The following DYTN variants were observed in gnomAD, a reference collection of about 807,000 sequenced individuals.
The protein encoded by DYTN is dystrotelin.
A neutral mutation model predicts 69.6 loss-of-function variants in DYTN; 75 were observed. The ratio of observed to expected loss-of-function variants is 1.08; its 90% CI spans 0.89 to 1.31. DYTN has a LOEUF of 1.31. DYTN is among the 50% of genes most tolerant of loss of function. The probability of loss-of-function intolerance (pLI) is 0.00; values close to 1 mark genes in which losing one functional copy is unlikely to be tolerated. For synonymous variants in DYTN, 252 were observed against 249.1 expected (o/e 1.01, Z -0.11); for missense variants, 726 against 688.4 (o/e 1.05, Z -0.61).
At chr2:206,675,847 C>T (rs972311133) in intron 9 of DYTN, among the ~76,000 whole-genome samples, 1 of 152,182 alleles carries the variant, frequency 6.6e-6, no homozygotes, top group Middle Eastern at 3.4e-3. Flanking sequence ...CATCACTGGT[C>T]GTTAGAGAAA....
At chr2:206,660,690 CA>C (rs1699502616) in intron 11 of DYTN, among the ~76,000 whole-genome samples, 1 of 152,192 alleles carries the variant, frequency 6.6e-6, no homozygotes, top group African/African-American at 2.4e-5. Flanking sequence ...TCAGCACAAG[CA>C]GTTCCCATCC....
intron 9 of DYTN, among the ~76,000 whole-genome samples, chr2:206,678,532 A>G (rs1369758176): frequency 3.3e-5 from 5 of 152,244 alleles, no homozygotes; most frequent in Non-Finnish European, 7.3e-5. Flanking sequence ...TATAGCAAAA[A>G]TTAGAAATAA....
chr2:206,715,350 A>T (rs1194195999), intron 1 of DYTN, among the ~76,000 whole-genome samples: 2 of 151,654 alleles, frequency 1.3e-5, no homozygotes, highest in Non-Finnish European at 2.9e-5. Context: ...GGCGAGGGGG[A>T]GGGGAGATGA....
chr2:206,694,940 A>C, intron 7 of DYTN, 63 bp from the exon 8 acceptor site: 1 of 1,176,306 alleles, frequency 8.5e-7, no homozygotes, highest in Non-Finnish European at 1.2e-6. Context: ...AAAAAAAAAG[A>C]ATATCCAGGT....
At chr2:206,706,564 C>T (rs942172609) in intron 3 of DYTN, among the ~76,000 whole-genome samples, 1 of 151,242 alleles carries the variant, frequency 6.6e-6, no homozygotes, top group Non-Finnish European at 1.5e-5. Context: ...CAGTGCTTGC[C>T]TCTGGGAGGC....
chr2:206,652,187 G>A (rs1462692118), intron 11 of DYTN, among the ~76,000 whole-genome samples: 1 of 152,192 alleles, frequency 6.6e-6, no homozygotes, highest in Non-Finnish European at 1.5e-5. Flanking sequence ...CTATTGAGCA[G>A]TGGCTCCAAA....
chr2:206,665,438 A>T (rs116439287), intron 10 of DYTN, among the ~76,000 whole-genome samples: 1,762 of 151,070 alleles, frequency 0.012, 36 homozygotes, highest in African/African-American at 0.04. Flanking sequence ...TTATTTATTT[A>T]ATTTTATTTT....
intron 11 of DYTN, among the ~76,000 whole-genome samples, chr2:206,656,704 T>G (rs1423434110): frequency 3.7e-5 from 4 of 109,180 alleles, no homozygotes; most frequent in Non-Finnish European, 8.8e-5. Context: ...GATAATAACT[T>G]CACTTCAATT....
At chr2:206,699,071 A>C (rs1433068401) in intron 7 of DYTN, among the ~76,000 whole-genome samples, 1 of 152,258 alleles carries the variant, frequency 6.6e-6, no homozygotes, top group Non-Finnish European at 1.5e-5. Flanking sequence ...TTTGTCTAAC[A>C]CTTAACAAAA....
intron 1 of DYTN, among the ~76,000 whole-genome samples, chr2:206,715,549 G>A (rs1034109257): frequency 1.3e-5 from 2 of 152,164 alleles, no homozygotes; most frequent in Non-Finnish European, 2.9e-5. Context: ...GAGAAGAGAT[G>A]TTCACTCAGC....
chr2:206,697,764 G>A (rs1699936816), intron 7 of DYTN, among the ~76,000 whole-genome samples: 1 of 152,170 alleles, frequency 6.6e-6, no homozygotes, highest in Non-Finnish European at 1.5e-5. Flanking sequence ...GGATGCATAA[G>A]GGGAAAGATG....
rs147728681 is a variant in DYTN at position 206,711,399 on chromosome 2, T to C, written c.20-801A>G. Among the ~76,000 whole-genome samples, 97 of 152,366 alleles carry C rather than the reference T, an allele frequency of 6.4e-4. 1 individual carries two copies. The highest frequency in any genetic ancestry group is 1.9e-3 in the African/African-American group (78 of 41,584). On this transcript the variant is annotated intron_variant, in intron 1 of 11. Coordinates refer to ENST00000452335, the MANE Select transcript of DYTN (RefSeq NM_001093730.1). ...CTCTGGAGCCAGCTATACTTAGTTC[T>C]GTTCCTTCCTTTTTCCTTAAAAGTA... is the stretch of plus-strand genomic sequence containing the variant.
intron 9 of DYTN, among the ~76,000 whole-genome samples, chr2:206,675,560 G>A (rs13382832): frequency 0.14 from 21,243 of 151,822 alleles, 2,488 homozygotes; most frequent in African/African-American, 0.32. Context: ...AATCAGCTAT[G>A]TATAACCTTT....
At chr2:206,664,086 G>C (rs1215285710) in intron 10 of DYTN, among the ~76,000 whole-genome samples, 1 of 147,960 alleles carries the variant, frequency 6.8e-6, no homozygotes. Context: ...AAAAAAAAAA[G>C]CCAGTTCTGC....
intron 2 of DYTN, 22 bp from the exon 3 acceptor site, chr2:206,707,525 T>C: frequency 6.3e-7 from 1 of 1,589,544 alleles, no homozygotes; most frequent in Non-Finnish European, 8.6e-7. Flanking sequence ...AAATGAAGAA[T>C]TGAGCCTTAT....
intron 2 of DYTN, among the ~76,000 whole-genome samples, chr2:206,708,032 T>C (rs1329867216): frequency 6.6e-6 from 1 of 152,196 alleles, no homozygotes; most frequent in Non-Finnish European, 1.5e-5. Context: ...TACTCTTCTG[T>C]AAAGATCTTT....
chr2:206,682,257 T>A (rs1484275206), intron 9 of DYTN, among the ~76,000 whole-genome samples: 1 of 152,160 alleles, frequency 6.6e-6, no homozygotes, highest in Non-Finnish European at 1.5e-5. Context: ...GTCTTTTGAT[T>A]CTTCTTTCTT....
chr2:206,685,908 C>A (rs887330257), intron 9 of DYTN, among the ~76,000 whole-genome samples: 10 of 151,268 alleles, frequency 6.6e-5, no homozygotes, highest in African/African-American at 2.4e-4. Flanking sequence ...GAGCAAGGGA[C>A]GCTTTTTTCT....
intron 9 of DYTN, among the ~76,000 whole-genome samples, chr2:206,675,441 A>G (rs1385137676): frequency 6.6e-6 from 1 of 151,574 alleles, no homozygotes; most frequent in Non-Finnish European, 1.5e-5. Context: ...TTCTCTTTTC[A>G]GGGTAACTAT....
Sources: allele counts gnomAD v4.1 joint callset (sites outside exome capture counted in the v4.1 genomes callset), GRCh38; gene constraint gnomAD v4.1.1; transcripts MANE v1.5; gene names NCBI Gene and HGNC (gene_info 2026-07-23, HGNC 2026-07-21).